CNTNAP2: variants seen among roughly 807,000 people sequenced by gnomAD.
The protein encoded by CNTNAP2 is contactin-associated protein-like 2.
In CNTNAP2, 98 loss-of-function variants were observed where a neutral mutation model predicts 155.2. The observed-to-expected ratio is 0.63, with a 90% CI of 0.54 to 0.75. The LOEUF is 0.75. Among genes scored for constraint, CNTNAP2 ranks in the 30% least tolerant of loss-of-function variants. The pLI, the probability that CNTNAP2 is intolerant of heterozygous loss-of-function variation, is 0.00. For synonymous variants in CNTNAP2, 651 were observed against 631.2 expected (o/e 1.03, Z -0.47); for missense variants, 1,727 against 1,688.1 (o/e 1.02, Z -0.40).
At chr7:148,265,484 A>C (rs1796650902) in intron 20 of CNTNAP2, among the ~76,000 whole-genome samples, 1 of 152,174 alleles carries the variant, frequency 6.6e-6, no homozygotes, top group Non-Finnish European at 1.5e-5. Flanking sequence ...TATATTGCCC[A>C]GGCTGGTCTT....
At chr7:146,599,063 T>A (rs188333281) in intron 1 of CNTNAP2, among the ~76,000 whole-genome samples, 1 of 152,222 alleles carries the variant, frequency 6.6e-6, no homozygotes, top group East Asian at 1.9e-4. Flanking sequence ...ACTTTCCCTG[T>A]CATATAAAAA....
In CNTNAP2 at chr7:146,445,838, G is replaced by T. The variant is rs117217256; in HGVS notation, c.98-328433G>T. Among the ~76,000 whole-genome samples, 386 of 152,198 alleles carry T rather than the reference G, an allele frequency of 2.5e-3. 2 individuals carry two copies. In the Middle Eastern group the frequency reaches 0.034, roughly 13 times the overall value. Reference sequence around the variant, plus strand: ...ACAGTAGGAATTCTTATAAATGCTAGGTTAACTTGAAATTCTACCAAATGT... The same window carrying T: ...ACAGTAGGAATTCTTATAAATGCTATGTTAACTTGAAATTCTACCAAATGT... On this transcript the variant is annotated intron_variant, in intron 1 of 23. Transcript: ENST00000361727.
rs556467824 is a variant in CNTNAP2, at chr7:148,324,073, C to T, written c.3475+56947C>T. 5.9e-4 allele frequency among the ~76,000 whole-genome samples: 89 copies of T among 152,066 alleles called. 1 individual carries two copies. The South Asian group carries it at 6.0e-3, about 10-fold the overall frequency. ...TAATTTTTTGTATTTTTAGTAAAGACGGGGTTTTGCCATGTTGGCCAGGCT... is the reference window on the plus strand; with the variant it reads ...TAATTTTTTGTATTTTTAGTAAAGATGGGGTTTTGCCATGTTGGCCAGGCT... On this transcript the variant is annotated intron_variant, in intron 21 of 23. Transcript: ENST00000361727.
chr7:147,680,228 T>C (rs967272056), intron 13 of CNTNAP2, among the ~76,000 whole-genome samples: 1 of 152,018 alleles, frequency 6.6e-6, no homozygotes, highest in Non-Finnish European at 1.5e-5. Context: ...GAGAAAACTT[T>C]CCCATCATCA....
At chr7:148,330,665 ATGGATGGAG>A (rs1289926716) in intron 21 of CNTNAP2, among the ~76,000 whole-genome samples, 1 of 146,384 alleles carries the variant, frequency 6.8e-6, no homozygotes, top group African/African-American at 2.6e-5. Context: ...GGATGGATGG[ATGGATGGAG>A]TAGATGGAGT....
intron 10 of CNTNAP2, among the ~76,000 whole-genome samples, chr7:147,426,766 A>C (rs543736083): frequency 3.3e-5 from 5 of 152,276 alleles, no homozygotes; most frequent in African/African-American, 1.2e-4. Flanking sequence ...CTATGTCTTC[A>C]GTGTCTCACC....
chr7:147,973,276 T>C (rs1038925989), intron 14 of CNTNAP2, among the ~76,000 whole-genome samples: 4 of 152,120 alleles, frequency 2.6e-5, no homozygotes, highest in African/African-American at 9.7e-5. Context: ...TAGAGTCCGC[T>C]TCTTTGAGAG....
rs549253598 is a variant in CNTNAP2 at position 146,156,982 on chromosome 7, G to C, written c.97+40009G>C. Among the ~76,000 whole-genome samples, 3 of 152,276 alleles carry C rather than the reference G, an allele frequency of 2.0e-5. No homozygotes were observed. The East Asian group carries it at 5.8e-4, about 29-fold the overall frequency. On this transcript the variant is annotated intron_variant, in intron 1 of 23. Transcript: ENST00000361727. ...ATCAGCTGTGCAGAGTTTAAATCCA[G>C]CAAGGAAATTCAGGCACAGACAGGT...
chr7:147,526,142 A>C (rs1291845094), intron 11 of CNTNAP2, among the ~76,000 whole-genome samples: 1 of 150,690 alleles, frequency 6.6e-6, no homozygotes, highest in Non-Finnish European at 1.5e-5. Flanking sequence ...AAGTGAGCCG[A>C]GATCACCCCA....
chr7:146,813,625 T>C (rs1481529716), intron 2 of CNTNAP2, among the ~76,000 whole-genome samples: 1 of 152,098 alleles, frequency 6.6e-6, no homozygotes, highest in Non-Finnish European at 1.5e-5. Context: ...ATGTTAGACT[T>C]GGACTTTTGG....
At chr7:146,265,359 A>G (rs928965788) in intron 1 of CNTNAP2, among the ~76,000 whole-genome samples, 3 of 152,224 alleles carry the variant, frequency 2.0e-5, no homozygotes, top group African/African-American at 7.2e-5. Context: ...AATTGAATCC[A>G]CAATTTATGT....
chr7:147,882,570 C>T (rs1354369199), intron 13 of CNTNAP2, among the ~76,000 whole-genome samples: 4 of 152,198 alleles, frequency 2.6e-5, no homozygotes, highest in Non-Finnish European at 5.9e-5. Context: ...GGAGACATAA[C>T]TGCCGACCTA....
intron 15 of CNTNAP2, among the ~76,000 whole-genome samples, chr7:148,117,756 A>G (rs1348952616): frequency 6.6e-6 from 1 of 151,948 alleles, no homozygotes; most frequent in Non-Finnish European, 1.5e-5. Flanking sequence ...CCTTGGTAGG[A>G]ACCCCAACTA....
In CNTNAP2 at chr7:147,095,186, A is replaced by ATTT. The variant is rs36113270; in HGVS notation, c.551-12942_551-12940dup. Among the ~76,000 whole-genome samples the ATTT allele has an allele frequency of 3.5e-3, 400 of 114,484 alleles. 9 individuals carry two copies. Among genetic ancestry groups the ATTT allele is most frequent in the African/African-American group, 0.012 (364 of 31,200 alleles). The allele number at this position is 114,484 out of a possible 152,430, so 75.1% of individuals were successfully genotyped here. ...AGGCATGCACCACCACGCCTGGCTA[A>ATTT]TTTTTTTTTTTTTTTTTTTTTGTAT... On this transcript the variant is annotated intron_variant, in intron 4 of 23. Transcript: ENST00000361727.
rs574406668 is a variant in CNTNAP2, at chr7:146,466,453, GT to G, written c.98-307814del. Among the ~76,000 whole-genome samples, 465 of 152,278 alleles carry G rather than the reference GT, an allele frequency of 3.1e-3. 2 individuals carry two copies. The Middle Eastern group carries it at 0.058, about 19-fold the overall frequency. On this transcript the variant is annotated intron_variant, in intron 1 of 23. Coordinates refer to ENST00000361727, the MANE Select transcript of CNTNAP2 (RefSeq NM_014141.6). ...ACCAAATGTGTTTCAACAGGCTGTT[GT>G]TTTCAACACTGGTTAACTGTTAAAT...
intron 1 of CNTNAP2, among the ~76,000 whole-genome samples, chr7:146,655,888 T>G (rs1799988586): frequency 6.6e-6 from 1 of 152,200 alleles, no homozygotes; most frequent in Non-Finnish European, 1.5e-5. Context: ...GACAATGGTT[T>G]GTGTACTTTT....
intron 2 of CNTNAP2, among the ~76,000 whole-genome samples, chr7:146,776,780 A>G (rs1175240458): frequency 6.6e-6 from 1 of 152,146 alleles, no homozygotes; most frequent in African/African-American, 2.4e-5. Context: ...CTTTGTTTTA[A>G]CATAATACAA....
At chr7:147,939,515 G>A (rs945595611) in intron 14 of CNTNAP2, among the ~76,000 whole-genome samples, 2 of 152,056 alleles carry the variant, frequency 1.3e-5, no homozygotes, top group African/African-American at 4.8e-5. Flanking sequence ...TTTTAGTAGA[G>A]ATGGGGTTTC....
chr7:146,840,333 A>G (rs1803696783), intron 3 of CNTNAP2, among the ~76,000 whole-genome samples: 1 of 152,214 alleles, frequency 6.6e-6, no homozygotes, highest in Non-Finnish European at 1.5e-5. Context: ...CCATTTTATA[A>G]TAGTGTCTTA....
Sources: allele counts gnomAD v4.1 joint callset (sites outside exome capture counted in the v4.1 genomes callset), GRCh38; gene constraint gnomAD v4.1.1; transcripts MANE v1.5; gene names NCBI Gene and HGNC (gene_info 2026-07-23, HGNC 2026-07-21).